SMIM44: variants seen among roughly 807,000 people sequenced by gnomAD.
SMIM44 encodes the protein small integral membrane protein 44.
the SMIM44 span, among the ~76,000 whole-genome samples, chr19:3,482,546 A>T: frequency 1.3e-5 from 2 of 152,228 alleles, no homozygotes; most frequent in South Asian, 4.1e-4. Flanking sequence ...GCACTCGGTA[A>T]GGTTGGCCGA....
At chr19:3,483,037 G>A in the SMIM44 span, 2 of 398,538 alleles carry the variant, frequency 5.0e-6, no homozygotes, top group Admixed American at 8.8e-5. Flanking sequence ...TCTGGCTTCG[G>A]GCCAAACGCC....
chr19:3,483,438 ACC>A, the SMIM44 span: 4 of 397,232 alleles, frequency 1.0e-5, no homozygotes. Context: ...CCCGGAGGTG[ACC>A]CACACAGCGG....
At chr19:3,482,904 G>T in the SMIM44 span, 3 of 397,980 alleles carry the variant, frequency 7.5e-6, no homozygotes, top group East Asian at 3.6e-5. Flanking sequence ...TTCAGAGGGG[G>T]CTCCCTCCCC....
At chr19:3,482,260 G>C in the SMIM44 span, among the ~76,000 whole-genome samples, 3 of 152,236 alleles carry the variant, frequency 2.0e-5, no homozygotes, top group Admixed American at 2.0e-4. Flanking sequence ...CCCAGCAGCC[G>C]AGGCGGGGGC....
At chr19:3,483,261 A>C in the SMIM44 span, 1 of 398,342 alleles carries the variant, frequency 2.5e-6, no homozygotes, top group African/African-American at 2.1e-5. Flanking sequence ...GGCGACGGCC[A>C]CCACCACCAG....
At chr19:3,482,961 A>G in the SMIM44 span, 1 of 398,210 alleles carries the variant, frequency 2.5e-6, no homozygotes, top group Non-Finnish European at 4.4e-6. Context: ...GGCCAGCTGC[A>G]GGTCCAGCCC....
chr19:3,482,586 T>A, the SMIM44 span, among the ~76,000 whole-genome samples: 1 of 152,196 alleles, frequency 6.6e-6, no homozygotes, highest in Non-Finnish European at 1.5e-5. Context: ...ATCGCCCTAG[T>A]GTTTCTAATT....
At chr19:3,482,920 CG>C in the SMIM44 span, 1 of 398,136 alleles carries the variant, frequency 2.5e-6, no homozygotes, top group Admixed American at 4.4e-5. Flanking sequence ...TCCCCACCCC[CG>C]CCGGCGTCCT....
At chr19:3,482,745 C>G in the SMIM44 span, 1 of 397,354 alleles carries the variant, frequency 2.5e-6, no homozygotes, top group Non-Finnish European at 4.4e-6. Context: ...GAAAGGGCTC[C>G]GGCGCGCGTA....
chr19:3,483,327 G>A, the SMIM44 span: 1 of 398,288 alleles, frequency 2.5e-6, no homozygotes, highest in Non-Finnish European at 4.4e-6. Flanking sequence ...GTCCAGGGGC[G>A]GCGGCCGGTA....
the SMIM44 span, chr19:3,482,986 C>T: frequency 5.0e-6 from 2 of 398,286 alleles, no homozygotes; most frequent in Non-Finnish European, 4.4e-6. Flanking sequence ...AAGTCCTCGC[C>T]GGTCAGGCTG....
the SMIM44 span, among the ~76,000 whole-genome samples, chr19:3,482,418 T>C: frequency 6.6e-6 from 1 of 152,218 alleles, no homozygotes; most frequent in Non-Finnish European, 1.5e-5. Context: ...AGCCACTTCA[T>C]CACTGCGTGC....
the SMIM44 span, chr19:3,482,873 G>A: frequency 7.5e-6 from 3 of 397,828 alleles, no homozygotes; most frequent in South Asian, 1.3e-4. Context: ...AGGGGCGGCG[G>A]GGCTCCGGGG....
At chr19:3,483,097 CT>C in the SMIM44 span, 1 of 398,358 alleles carries the variant, frequency 2.5e-6, no homozygotes, top group Non-Finnish European at 4.4e-6. Context: ...CCCGGCCACC[CT>C]CCTCTGTCCC....
the SMIM44 span, among the ~76,000 whole-genome samples, chr19:3,482,343 C>T: frequency 6.6e-6 from 1 of 152,152 alleles, no homozygotes; most frequent in Non-Finnish European, 1.5e-5. Context: ...ATCCTGCCCT[C>T]CAAAGTCAGT....
chr19:3,482,138 C>CT, the SMIM44 span, among the ~76,000 whole-genome samples: 1 of 152,252 alleles, frequency 6.6e-6, no homozygotes, highest in Non-Finnish European at 1.5e-5. Flanking sequence ...CTATTAAACT[C>CT]TGACTGTGTA....
chr19:3,482,857 C>T, the SMIM44 span: 8 of 359,416 alleles, frequency 2.2e-5, no homozygotes, highest in East Asian at 2.3e-4. Context: ...TCCTTGAAGG[C>T]AATGGAGGGG....
At chr19:3,483,362 G>C in the SMIM44 span, 1 of 398,036 alleles carries the variant, frequency 2.5e-6, no homozygotes, top group Non-Finnish European at 4.4e-6. Flanking sequence ...GCGGGGACGG[G>C]CTCCAGCCCT....
At chr19:3,483,200 A>G in the SMIM44 span, 1 of 398,334 alleles carries the variant, frequency 2.5e-6, no homozygotes, top group Non-Finnish European at 4.4e-6. Context: ...GGGGCAGCTC[A>G]CCGGCCAGGT....
Sources: gnomAD v4.1 joint callset for allele counts (sites outside exome capture counted in the v4.1 genomes callset) on GRCh38, gnomAD v4.1.1 for gene constraint, MANE v1.5 for transcripts, NCBI Gene and HGNC (gene_info 2026-07-23, HGNC 2026-07-21) for gene names.